The following DEFB118 variants were observed in gnomAD, a reference collection of about 807,000 sequenced individuals.
The protein encoded by DEFB118 is defensin beta 118.
Under a neutral mutation model 2.8 loss-of-function variants are expected in DEFB118, and 3 were observed. That is an observed-to-expected ratio of 1.09 (90% confidence interval 0.50 to 2.82). DEFB118 has a LOEUF of 2.82. Among genes scored for constraint, DEFB118 ranks in the 30% most tolerant of loss-of-function variants. The pLI, the probability that DEFB118 is intolerant of heterozygous loss-of-function variation, is 0.04. For missense variants in DEFB118, 159 were observed against 144.6 expected, an observed-to-expected ratio of 1.10 and a Z score of -0.51; for synonymous variants, 63 against 53.5, an observed-to-expected ratio of 1.18 and a Z score of -0.78.
At chr20:31,371,474 TC>T (rs1453919080) in intron 1 of DEFB118, among the ~76,000 whole-genome samples, 4 of 151,766 alleles carry the variant, frequency 2.6e-5, no homozygotes, top group Non-Finnish European at 2.9e-5. Flanking sequence ...TTTTTCTTTT[TC>T]TTTTTTTTCT....
chr20:31,368,766 A>G, intron 1 of DEFB118, 58 bp downstream of exon 1: 1 of 1,522,114 alleles, frequency 6.6e-7, no homozygotes, highest in South Asian at 1.1e-5. Flanking sequence ...TGGCTCATGA[A>G]AATTCCAATG....
At chr20:31,370,137 C>T (rs1986189619) in intron 1 of DEFB118, among the ~76,000 whole-genome samples, 1 of 152,010 alleles carries the variant, frequency 6.6e-6, no homozygotes, top group Non-Finnish European at 1.5e-5. Context: ...CTCCTGTTTC[C>T]CAGGGACCAT....
At chr20:31,372,825 CAA>C (rs767560024) in intron 1 of DEFB118, 30 bp from the exon 2 acceptor site, 1 of 1,584,472 alleles carries the variant, frequency 6.3e-7, no homozygotes, top group South Asian at 1.1e-5. Context: ...ATCAGTAACC[CAA>C]AATCAATGGT....
chr20:31,370,563 T>C (rs958772624), intron 1 of DEFB118, among the ~76,000 whole-genome samples: 1 of 152,074 alleles, frequency 6.6e-6, no homozygotes, highest in Non-Finnish European at 1.5e-5. Context: ...AAGCATAAAG[T>C]CTTGATGCTT....
chr20:31,371,840 C>G (rs117313449), intron 1 of DEFB118, among the ~76,000 whole-genome samples: 36 of 152,222 alleles, frequency 2.4e-4, no homozygotes, highest in East Asian at 1.4e-3. Context: ...TCCCCCTCCT[C>G]TTACTCTTCC....
At position 31,373,477 on chromosome 20, in the gene DEFB118, G is replaced by C. The variant is rs758742517; in HGVS notation, c.*307G>C. 9.8e-5 allele frequency: 33 copies of C among 338,148 alleles called. No homozygotes were observed. Among genetic ancestry groups the C allele is most frequent in the Non-Finnish European group, 1.7e-4 (32 of 184,646 alleles). The allele number at this position is 338,148 out of a possible 1,614,324, so 20.9% of individuals were successfully genotyped here. Reference sequence around the variant, plus strand: ...GCTATTCCAACAACAATTTCTTCATGTATCGTTCTGTCTTCTCAACAGCTG... The same window carrying C: ...GCTATTCCAACAACAATTTCTTCATCTATCGTTCTGTCTTCTCAACAGCTG... On this transcript the variant is annotated 3_prime_UTR_variant, in exon 2 of 2. Coordinates refer to ENST00000253381, the MANE Select transcript of DEFB118 (RefSeq NM_054112.3).
chr20:31,369,198 G>T (rs570258311), intron 1 of DEFB118, among the ~76,000 whole-genome samples: 26 of 152,192 alleles, frequency 1.7e-4, no homozygotes, highest in Non-Finnish European at 2.9e-4. Flanking sequence ...CATAATCACT[G>T]CTTTCTTAAG....
intron 1 of DEFB118, among the ~76,000 whole-genome samples, chr20:31,372,434 A>T (rs1168475058): frequency 6.6e-6 from 1 of 152,170 alleles, no homozygotes; most frequent in Non-Finnish European, 1.5e-5. Flanking sequence ...CTGTAGTCCC[A>T]GCTACTCAGG....
chr20:31,368,769 T>G, intron 1 of DEFB118, 61 bp downstream of exon 1: 1 of 1,505,550 alleles, frequency 6.6e-7, no homozygotes, highest in Non-Finnish European at 9.2e-7. Context: ...CTCATGAAAA[T>G]TCCAATGTGT....
At position 31,373,245 on chromosome 20, in the gene DEFB118, A is replaced by G. The variant is rs1218808647; in HGVS notation, c.*75A>G. The G allele has an allele frequency of 2.4e-5, 32 of 1,314,438 alleles. No homozygotes were observed. Among genetic ancestry groups the G allele is most frequent in the Non-Finnish European group, 3.3e-5 (31 of 949,724 alleles). The allele number at this position is 1,314,438 out of a possible 1,614,324, so 81.4% of individuals were successfully genotyped here. A position where few individuals can be genotyped will look rare whatever the true frequency, so the allele number is the denominator to read the frequency against. Reference sequence around the variant, plus strand: ...CACATACAGATAAAGCACTGAAAACACCACAGTGACCCTCCCACCCCCCAC... The same window carrying G: ...CACATACAGATAAAGCACTGAAAACGCCACAGTGACCCTCCCACCCCCCAC... On this transcript the variant is annotated 3_prime_UTR_variant, in exon 2 of 2. Coordinates refer to ENST00000253381, the MANE Select transcript of DEFB118 (RefSeq NM_054112.3).
At chr20:31,371,703 C>A (rs1986213646) in intron 1 of DEFB118, among the ~76,000 whole-genome samples, 2 of 151,940 alleles carry the variant, frequency 1.3e-5, no homozygotes, top group Non-Finnish European at 2.9e-5. Context: ...TTTTTAATTT[C>A]AATAGCTTTA....
intron 1 of DEFB118, among the ~76,000 whole-genome samples, chr20:31,371,421 C>T (rs1486766326): frequency 6.6e-6 from 1 of 152,040 alleles, no homozygotes; most frequent in Non-Finnish European, 1.5e-5. Context: ...TAGTATGTAT[C>T]CCACATAAAG....
rs776316159 is a variant in DEFB118, at chr20:31,372,827, A to G, written c.59-30A>G. The stretch of plus-strand genomic sequence containing the variant: ...TGAAATTGAGAGCATCAGTAACCCA[A>G]AATCAATGGTCTTTCCTTTTATTAT... On this transcript the variant is annotated intron_variant, in intron 1 of 1. Transcript: ENST00000253381. 4 of 1,590,630 alleles carry G rather than the reference A, an allele frequency of 2.5e-6. No individual in the cohort carries two copies. The South Asian group carries it at 4.5e-5, about 18-fold the overall frequency.
rs960385925 is a variant in DEFB118 at position 31,373,259 on chromosome 20, C to G, written c.*89C>G. On this transcript the variant is annotated 3_prime_UTR_variant, in exon 2 of 2. Transcript: ENST00000253381. ...GCACTGAAAACACCACAGTGACCCTCCCACCCCCCACCAATATGTAATTCT... is the reference window on the plus strand; with the variant it reads ...GCACTGAAAACACCACAGTGACCCTGCCACCCCCCACCAATATGTAATTCT... 1 of 1,105,936 alleles carries G rather than the reference C, an allele frequency of 9.0e-7. No individual in the cohort carries two copies. 68.5% of individuals were successfully genotyped at this position (1,105,936 alleles called of 1,614,324 possible). A position where few individuals can be genotyped will look rare whatever the true frequency, so the allele number is the denominator to read the frequency against.
chr20:31,369,754 C>G (rs1281119434), intron 1 of DEFB118, among the ~76,000 whole-genome samples: 1 of 152,174 alleles, frequency 6.6e-6, no homozygotes, highest in Non-Finnish European at 1.5e-5. Context: ...ATCTAAAGAT[C>G]TGCCTTATTG....
rs775702515 is a variant in DEFB118 at position 31,373,180 on chromosome 20, G to A, written c.*10G>A. 1.2e-5 allele frequency: 20 copies of A among 1,609,052 alleles called. No individual in the cohort carries two copies. In the East Asian group the frequency reaches 1.8e-4, roughly 14 times the overall value. On this transcript the variant is annotated 3_prime_UTR_variant, in exon 2 of 2. Coordinates refer to ENST00000253381, the MANE Select transcript of DEFB118 (RefSeq NM_054112.3). ...TCACCATAGCTCATGACTTCCTCTC[G>A]GCTATCACTCACCCCTGTCCTCAGA... is the stretch of plus-strand genomic sequence containing the variant.
In DEFB118 at chr20:31,373,683, G is replaced by T. The variant is rs1005048606; in HGVS notation, c.*513G>T. 1 of 158,444 alleles carries T rather than the reference G, an allele frequency of 6.3e-6. No individual in the cohort carries two copies. The highest frequency in any genetic ancestry group is 1.4e-5 in the Non-Finnish European group (1 of 71,620). 9.8% of individuals were successfully genotyped at this position (158,444 alleles called of 1,614,324 possible). A position where few individuals can be genotyped will look rare whatever the true frequency, so the allele number is the denominator to read the frequency against. ...TATCTCTCACTGTAGGAAATTGGCC[G>T]CCCCAGGTGTGAGCTATGAAGACTC... On this transcript the variant is annotated 3_prime_UTR_variant, in exon 2 of 2. Transcript: ENST00000253381.
rs189796554 is a variant in DEFB118 at position 31,373,163 on chromosome 20, G to A, written c.365G>A (p.Ser122Asn). The change falls in exon 2 of 2, where the codon AGC becomes AAC. Residue 122 changes from serine (S) to asparagine (N), a missense_variant. Ser to Asn is a conservative substitution (Grantham distance 46, BLOSUM62 1). Transcript: ENST00000253381. ...ACCTCTCTTCCAAATGTTCACCATA[G>A]CTCATGACTTCCTCTCGGCTATCAC... ...TETSLPNVHH[S>N]S 9.3e-6 allele frequency: 15 copies of A among 1,612,364 alleles called. No homozygotes were observed. The East Asian group carries it at 2.0e-4, about 22-fold the overall frequency.
chr20:31,373,467 A>C lies in DEFB118; in HGVS notation c.*297A>C. 2.0e-5 allele frequency: 7 copies of C among 358,394 alleles called. No individual in the cohort carries two copies. The highest frequency in any genetic ancestry group is 4.8e-5 in the East Asian group (1 of 20,880). 22.2% of individuals were successfully genotyped at this position (358,394 alleles called of 1,614,324 possible). On this transcript the variant is annotated 3_prime_UTR_variant, in exon 2 of 2. Transcript: ENST00000253381. ...AGCTTAGTTAGCTATTCCAACAACA[A>C]TTTCTTCATGTATCGTTCTGTCTTC...
Sources: gnomAD v4.1 joint callset for allele counts (sites outside exome capture counted in the v4.1 genomes callset) on GRCh38, gnomAD v4.1.1 for gene constraint, MANE v1.5 for transcripts, NCBI Gene and HGNC (gene_info 2026-07-23, HGNC 2026-07-21) for gene names.